The following WDPCP variants were observed in gnomAD, a reference collection of about 807,000 sequenced individuals.
The protein encoded by WDPCP is WD repeat containing planar cell polarity effector, also known as WD repeat-containing and planar cell polarity effector protein fritz homolog.
A neutral mutation model predicts 93.1 loss-of-function variants in WDPCP; 71 were observed. That is an observed-to-expected ratio of 0.76 (90% confidence interval 0.63 to 0.93). The LOEUF (loss-of-function observed/expected upper bound fraction) is 0.93, where lower values mean the gene tolerates loss of function less well. Ranked by LOEUF, WDPCP falls within the 40% of genes least tolerant of loss-of-function variation. WDPCP has a pLI of 0.00. For synonymous variants in WDPCP, 315 were observed against 315.0 expected, an observed-to-expected ratio of 1.00 and a Z score of 0.00; for missense variants, 844 against 887.4, an observed-to-expected ratio of 0.95 and a Z score of 0.62.
chr2:63,828,866 CT>C (rs934273322), upstream of WDPCP, among the ~76,000 whole-genome samples: 1 of 152,088 alleles, frequency 6.6e-6, no homozygotes, highest in Non-Finnish European at 1.5e-5. Flanking sequence ...TTAAGTTTAA[CT>C]TTTTCTATTT....
chr2:63,367,468 CAG>C (rs1691006968), intron 12 of WDPCP, among the ~76,000 whole-genome samples: 1 of 151,968 alleles, frequency 6.6e-6, no homozygotes, highest in Non-Finnish European at 1.5e-5. Context: ...GATAAATGTA[CAG>C]AGATATGTGT....
intron 2 of WDPCP, among the ~76,000 whole-genome samples, chr2:63,769,138 C>T (rs550568965): frequency 6.6e-6 from 1 of 151,946 alleles, no homozygotes; most frequent in African/African-American, 2.4e-5. Context: ...TACTGTTGGG[C>T]CACAACTGTA....
intron 3 of WDPCP, among the ~76,000 whole-genome samples, chr2:63,628,843 C>T (rs1042487781): frequency 6.6e-6 from 1 of 152,178 alleles, no homozygotes; most frequent in Non-Finnish European, 1.5e-5. Flanking sequence ...TCCTAAGAAC[C>T]CAGATCCAGG....
rs9309355 is a variant in WDPCP, at chr2:63,604,600, C to T, written n.488+46059G>A. 0.02 allele frequency: 19,034 copies of T among 967,482 alleles called. 1,723 individuals carry two copies. The African/African-American group carries it at 0.23, about 12-fold the overall frequency. 59.9% of individuals were successfully genotyped at this position (967,482 alleles called of 1,614,324 possible). A position where few individuals can be genotyped will look rare whatever the true frequency, so the allele number is the denominator to read the frequency against. ...TTGTGTTCTCTTGAAATTTCAGAAGCTTTTTATCTTTATTTAAGGGCATTT... is the reference window on the plus strand; with the variant it reads ...TTGTGTTCTCTTGAAATTTCAGAAGTTTTTTATCTTTATTTAAGGGCATTT... On this transcript the variant is annotated intron_variant and non_coding_transcript_variant, in intron 3 of 4. Coordinates refer to the WDPCP transcript ENST00000467687.
chr2:63,794,378 C>T (rs1055036591), intron 2 of WDPCP, among the ~76,000 whole-genome samples: 1 of 152,142 alleles, frequency 6.6e-6, no homozygotes, highest in African/African-American at 2.4e-5. Context: ...ATGCTTAAAC[C>T]AAGTAGCACA....
At chr2:63,585,843 T>C (rs930886982) in intron 1 of WDPCP, among the ~76,000 whole-genome samples, 1 of 149,444 alleles carries the variant, frequency 6.7e-6, no homozygotes. Context: ...TTCTTTTTTT[T>C]TTTTTTTTTT....
intron 2 of WDPCP, among the ~76,000 whole-genome samples, chr2:63,778,846 C>CT (rs1670345371): frequency 6.6e-6 from 1 of 152,084 alleles, no homozygotes; most frequent in Admixed American, 6.6e-5. Flanking sequence ...TTTGTTCAAG[C>CT]TTTACTTTCT....
intron 2 of WDPCP, among the ~76,000 whole-genome samples, chr2:63,780,792 T>C (rs1457452715): frequency 6.6e-6 from 1 of 152,186 alleles, no homozygotes; most frequent in African/African-American, 2.4e-5. Flanking sequence ...TTTATTATGG[T>C]AACTAACTTC....
At chr2:63,458,717 T>C (rs1698806175) in intron 6 of WDPCP, among the ~76,000 whole-genome samples, 1 of 151,880 alleles carries the variant, frequency 6.6e-6, no homozygotes, top group Non-Finnish European at 1.5e-5. Flanking sequence ...TTCACAGACA[T>C]AGAAAAAATA....
At chr2:63,365,077 A>G (rs183701485) in intron 12 of WDPCP, among the ~76,000 whole-genome samples, 38 of 152,320 alleles carry the variant, frequency 2.5e-4, no homozygotes, top group African/African-American at 9.1e-4. Context: ...AACTTTGGCA[A>G]CTGCAGTCAA....
chr2:63,610,565 A>T (rs572770322), intron 3 of WDPCP, among the ~76,000 whole-genome samples: 311 of 152,208 alleles, frequency 2.0e-3, no homozygotes, highest in Middle Eastern at 3.4e-3. Flanking sequence ...TTATTTTGAG[A>T]ATTAAAAAAA....
intron 7 of WDPCP, among the ~76,000 whole-genome samples, chr2:63,438,694 T>C (rs1371810954): frequency 6.6e-6 from 1 of 152,070 alleles, no homozygotes; most frequent in Non-Finnish European, 1.5e-5. Context: ...TGTTGCTAAT[T>C]ATGGCCATCC....
chr2:63,758,356 T>C (rs181631251), intron 2 of WDPCP, among the ~76,000 whole-genome samples: 1 of 151,918 alleles, frequency 6.6e-6, no homozygotes, highest in Admixed American at 6.5e-5. Context: ...TCAATGAAAG[T>C]TTACCAAAAA....
intron 1 of WDPCP, among the ~76,000 whole-genome samples, chr2:63,493,511 T>C (rs1030103221): frequency 6.6e-6 from 1 of 151,746 alleles, no homozygotes; most frequent in African/African-American, 2.4e-5. Flanking sequence ...TATGTTAATC[T>C]GCATGTCATG....
intron 3 of WDPCP, chr2:63,594,598 T>C (rs1328969773): frequency 1.3e-6 from 2 of 1,562,186 alleles, no homozygotes; most frequent in South Asian, 1.1e-5. Context: ...TAGGAACAGG[T>C]GTCTATAAAT....
chr2:63,219,975 C>A (rs58483312), intron 14 of WDPCP, among the ~76,000 whole-genome samples: 21,772 of 151,884 alleles, frequency 0.14, 1,973 homozygotes, highest in Middle Eastern at 0.21. Context: ...GCAATCCAGC[C>A]TGGGCGACAG....
At chr2:63,698,799 G>A (rs972587979) in intron 2 of WDPCP, among the ~76,000 whole-genome samples, 2 of 152,152 alleles carry the variant, frequency 1.3e-5, no homozygotes, top group Non-Finnish European at 2.9e-5. Flanking sequence ...TTTATGCTTG[G>A]GAGAGTTCAA....
chr2:63,530,852 G>A (rs991583625), intron 1 of WDPCP, among the ~76,000 whole-genome samples: 1 of 149,946 alleles, frequency 6.7e-6, no homozygotes, highest in Non-Finnish European at 1.5e-5. Context: ...TTGGACAGTG[G>A]GTGTAGCCCA....
intron 9 of WDPCP, among the ~76,000 whole-genome samples, chr2:63,411,355 C>A: frequency 6.6e-6 from 1 of 151,992 alleles, no homozygotes; most frequent in Non-Finnish European, 1.5e-5. Context: ...ACACAACCTA[C>A]AAAAACCTCT....
Sources: gnomAD v4.1 joint callset for allele counts (sites outside exome capture counted in the v4.1 genomes callset) on GRCh38, gnomAD v4.1.1 for gene constraint, MANE v1.5 for transcripts, NCBI Gene and HGNC (gene_info 2026-07-23, HGNC 2026-07-21) for gene names.